Variants in NKIRAS1 observed in about 807,000 individuals in gnomAD.
NKIRAS1 encodes the protein NF-kappa-B inhibitor-interacting Ras-like protein 1.
A neutral mutation model predicts 19.8 loss-of-function variants in NKIRAS1; 16 were observed. The observed-to-expected ratio is 0.81, with a 90% CI of 0.55 to 1.23. NKIRAS1 has a LOEUF of 1.23. Among genes scored for constraint, NKIRAS1 ranks in the 50% most tolerant of loss-of-function variants. NKIRAS1 has a pLI of 0.00. For synonymous variants in NKIRAS1, 88 were observed against 79.0 expected (o/e 1.11, Z -0.61); for missense variants, 184 against 220.0 (o/e 0.84, Z 1.04).
Position 23,904,934 on chromosome 3 carries a change from A to G in NKIRAS1, c.95-3885T>C, listed in dbSNP as rs192815853. On this transcript the variant is annotated intron_variant, in intron 3 of 4. Coordinates refer to ENST00000425478, the MANE Select transcript of NKIRAS1 (RefSeq NM_020345.4). ...TAACAGACAGAGGTAGTTTCATGCA[A>G]TAGAATGTTACATCAATGAAAAGTA... Among the ~76,000 whole-genome samples the G allele has an allele frequency of 5.3e-5, 8 of 152,340 alleles. No individual in the cohort carries two copies. In the East Asian group the frequency reaches 1.5e-3, roughly 29 times the overall value.
upstream of NKIRAS1, chr3:23,921,767 G>A: frequency 3.4e-6 from 2 of 594,792 alleles, no homozygotes; most frequent in South Asian, 2.1e-5. Flanking sequence ...TAGAGACTGG[G>A]TTTCACTATG....
chr3:23,938,396 GT>G, intron 1 of NKIRAS1, among the ~76,000 whole-genome samples: 1 of 151,960 alleles, frequency 6.6e-6, no homozygotes, highest in East Asian at 1.9e-4. Flanking sequence ...TTTTTATAGA[GT>G]TGGGGGGTCT....
At chr3:23,910,718 T>A (rs1010188313) in intron 3 of NKIRAS1, 93 bp downstream of exon 3, 6 of 849,330 alleles carry the variant, frequency 7.1e-6, no homozygotes, top group Non-Finnish European at 1.2e-5. Flanking sequence ...CTCCCCTTTA[T>A]GTACCATCAA....
At chr3:23,901,180 T>A in intron 3 of NKIRAS1, 131 bp from the exon 4 acceptor site, 3 of 188,484 alleles carry the variant, frequency 1.6e-5, no homozygotes, top group Non-Finnish European at 2.9e-5. Flanking sequence ...TCTATTTTAC[T>A]TTTTTTTTTT....
chr3:23,901,082 C>G, intron 3 of NKIRAS1, 33 bp from the exon 4 acceptor site: 1 of 1,608,876 alleles, frequency 6.2e-7, no homozygotes, highest in South Asian at 1.1e-5. Context: ...CTCTTTTTGG[C>G]TAAGTCAGTG....
intron 4 of NKIRAS1, among the ~76,000 whole-genome samples, chr3:23,897,306 G>A (rs914707277): frequency 2.0e-5 from 3 of 151,822 alleles, no homozygotes; most frequent in Non-Finnish European, 4.4e-5. Context: ...CTAATAAAGG[G>A]GTAAAATATT....
rs1705223856 is a variant in NKIRAS1 at position 23,926,952 on chromosome 3, A to C, written c.-139-15502T>G. On this transcript the variant is annotated intron_variant, in intron 1 of 4. Transcript: ENST00000421515. This position sits in a 1 kb window ranked among gnomAD's most constrained non-coding sequence, Gnocchi z 4.3. ...GGGGTGACATGCACCAACAAGCTAC[A>C]CTTTGACCATCAGCTGCCCCAAACA... Among the ~76,000 whole-genome samples, 1 of 152,176 alleles carries C rather than the reference A, an allele frequency of 6.6e-6. No individual in the cohort carries two copies. Among genetic ancestry groups the C allele is most frequent in the Admixed American group, 6.5e-5 (1 of 15,270 alleles).
At chr3:23,915,533 TCTC>T (rs1279061892) in intron 1 of NKIRAS1, among the ~76,000 whole-genome samples, 1 of 152,222 alleles carries the variant, frequency 6.6e-6, no homozygotes, top group African/African-American at 2.4e-5. Context: ...CCATTTTTTC[TCTC>T]CTTTTAGCCT....
At chr3:23,907,841 G>A (rs1703224171) in intron 3 of NKIRAS1, among the ~76,000 whole-genome samples, 1 of 152,154 alleles carries the variant, frequency 6.6e-6, no homozygotes, top group Non-Finnish European at 1.5e-5. Context: ...ATTTCTGCAT[G>A]CAATTATGGT....
At chr3:23,915,371 G>A (rs1367018633) in intron 1 of NKIRAS1, among the ~76,000 whole-genome samples, 1 of 152,104 alleles carries the variant, frequency 6.6e-6, no homozygotes, top group Non-Finnish European at 1.5e-5. Flanking sequence ...ACTGACTTTG[G>A]TTTTAGCTTG....
intron 1 of NKIRAS1, among the ~76,000 whole-genome samples, chr3:23,940,863 C>T (rs1239943949): frequency 6.6e-6 from 1 of 152,162 alleles, no homozygotes; most frequent in East Asian, 1.9e-4. Context: ...TGATGAACGG[C>T]AACTGCAATT....
chr3:23,945,159 G>GCCGGGTAA (rs1364361346), intron 1 of NKIRAS1: 8 of 145,534 alleles, frequency 5.5e-5, no homozygotes, highest in Admixed American at 5.5e-4. Context: ...GAAAAGGGTA[G>GCCGGGTAA]CCGGGGAGCC....
intron 1 of NKIRAS1, among the ~76,000 whole-genome samples, chr3:23,944,633 A>C (rs910773267): frequency 2.0e-5 from 3 of 152,254 alleles, no homozygotes; most frequent in Admixed American, 2.0e-4. Flanking sequence ...GATGCAAAAA[A>C]GCGGCATAAT....
chr3:23,901,323 G>T (rs538464147), intron 3 of NKIRAS1, among the ~76,000 whole-genome samples: 1 of 151,646 alleles, frequency 6.6e-6, no homozygotes, highest in Non-Finnish European at 1.5e-5. Flanking sequence ...CTCCCAGCTG[G>T]GACTACAGGT....
chr3:23,897,701 C>T (rs548489516), intron 4 of NKIRAS1, among the ~76,000 whole-genome samples: 3 of 152,258 alleles, frequency 2.0e-5, no homozygotes, highest in African/African-American at 7.2e-5. Flanking sequence ...TTGTTCCCTC[C>T]CTCCTTACCT....
intron 1 of NKIRAS1, among the ~76,000 whole-genome samples, chr3:23,929,693 C>T (rs1368137426): frequency 6.6e-6 from 1 of 152,128 alleles, no homozygotes; most frequent in Non-Finnish European, 1.5e-5. Context: ...CCTCCTGCCT[C>T]AGCCTCTCAA....
At chr3:23,896,048 T>A (rs1701954749) in intron 4 of NKIRAS1, among the ~76,000 whole-genome samples, 1 of 136,650 alleles carries the variant, frequency 7.3e-6, no homozygotes, top group African/African-American at 2.8e-5. Flanking sequence ...GGCAGGAGAA[T>A]GGCATGAACC....
At chr3:23,912,344 GA>G (rs1309080206) in intron 1 of NKIRAS1, among the ~76,000 whole-genome samples, 1 of 151,822 alleles carries the variant, frequency 6.6e-6, no homozygotes, top group South Asian at 2.1e-4. Context: ...AAATTTATAA[GA>G]AAAAAACAAA....
rs112173713 is a variant in NKIRAS1, at chr3:23,912,885, A to G, written c.-139-1435T>C. Among the ~76,000 whole-genome samples, 906 of 152,044 alleles carry G rather than the reference A, an allele frequency of 6.0e-3. 16 individuals are homozygous for G. The highest frequency in any genetic ancestry group is 0.049 in the East Asian group (255 of 5,164). ...TGTAATCCCAGCACTTTGGGAGGCC[A>G]AGGTGGGCGGATCACGAGGTCAGGA... On this transcript the variant is annotated intron_variant, in intron 1 of 4. Coordinates refer to ENST00000425478, the MANE Select transcript of NKIRAS1 (RefSeq NM_020345.4).
Sources: gnomAD v4.1 joint callset for allele counts (sites outside exome capture counted in the v4.1 genomes callset) on GRCh38, gnomAD v4.1.1 for gene constraint, Gnocchi (gnomAD v3.1) non-coding constraint, MANE v1.5 for transcripts, NCBI Gene and HGNC (gene_info 2026-07-23, HGNC 2026-07-21) for gene names.